EMILIN1: variants seen among roughly 807,000 people sequenced by gnomAD.
EMILIN1 encodes the protein EMILIN-1.
Under a neutral mutation model 82.4 loss-of-function variants are expected in EMILIN1, and 49 were observed. That is an observed-to-expected ratio of 0.59 (90% CI 0.47 to 0.75). The LOEUF (loss-of-function observed/expected upper bound fraction) is 0.75. Ranked by LOEUF, EMILIN1 falls within the 30% of genes least tolerant of loss-of-function variation. EMILIN1 has a pLI of 0.00. For synonymous variants in EMILIN1, 604 were observed against 602.2 expected (o/e 1.00, Z -0.04); for missense variants, 1,313 against 1,366.4 (o/e 0.96, Z 0.62).
At chr2:27,079,971 C>T (rs953841037) in intron 1 of EMILIN1, among the ~76,000 whole-genome samples, 180 bp from the exon 2 acceptor site, 6 of 152,254 alleles carry the variant, frequency 3.9e-5, no homozygotes, top group African/African-American at 1.4e-4. Flanking sequence ...TCTTTATCTG[C>T]TCCTGCTACA....
Position 27,085,544 on chromosome 2 carries a change from A to G in EMILIN1, c.2714-134A>G, listed in dbSNP as rs1669596913. 4.3e-5 allele frequency: 42 copies of G among 969,724 alleles called. 1 individual carries two copies. The South Asian group carries it at 6.8e-4, about 16-fold the overall frequency. 60.1% of individuals were successfully genotyped at this position (969,724 alleles called of 1,614,324 possible). ...TTTTAAGTGCTGGGAATGCATAGTG[A>G]ACAAAGCCCCCAGTTCCCTGCCGCT... is the stretch of plus-strand genomic sequence containing the variant. On this transcript the variant is annotated intron_variant, in intron 7 of 7. Coordinates refer to ENST00000380320, the MANE Select transcript of EMILIN1 (RefSeq NM_007046.4).
In EMILIN1 at chr2:27,083,610, C is replaced by T. The variant is rs1572847243; in HGVS notation, c.2039C>T (p.Ala680Val). ...GGCGCTGATCTGGCTGACCTGGGGG[C>T]AACCAAGGACCGTATCATTTCTGAG... ...GQGADLADLGATKDRIISEIN... is the reference protein window; with the variant it reads ...GQGADLADLGVTKDRIISEIN... The change falls in exon 4 of 8, where the codon GCA (alanine) becomes GTA (valine). Residue 680 changes from alanine to valine, a missense_variant. Coordinates refer to ENST00000380320, the MANE Select transcript of EMILIN1 (RefSeq NM_007046.4). 5 of 1,612,822 alleles carry T rather than the reference C, an allele frequency of 3.1e-6. No individual in the cohort carries two copies. Among genetic ancestry groups the T allele is most frequent in the Non-Finnish European group, 4.2e-6 (5 of 1,179,026 alleles).
At chr2:27,080,491 T>TTGAA (rs1669454637) in intron 2 of EMILIN1, among the ~76,000 whole-genome samples, 1 of 152,068 alleles carries the variant, frequency 6.6e-6, no homozygotes, top group Non-Finnish European at 1.5e-5. Flanking sequence ...CTGGGATGGC[T>TTGAA]CAGGCTCAAG....
rs151036045 is a variant in EMILIN1 at position 27,080,844 on chromosome 2, C to T, written c.403C>T (p.Pro135Ser). 1.7e-5 allele frequency: 27 copies of T among 1,612,522 alleles called. No individual in the cohort carries two copies. The highest frequency in any genetic ancestry group is 2.2e-5 in the Non-Finnish European group (26 of 1,179,564). Residue 135 changes from proline (P) to serine (S), a missense_variant, in exon 3 of 8, where the codon CCA (proline) becomes TCA (serine). Pro to Ser is a moderately conservative substitution (Grantham distance 74). Transcript: ENST00000380320. ...GGDDCAESPA[P>S]ALGPASSTPR... is the part of the protein sequence containing the mutation. ...CGATGACTGTGCTGAGAGTCCCGCT[C>T]CAGCGCTGGGGCCTGCGTCTTCCAC... is the stretch of plus-strand genomic sequence containing the variant.
rs778099136 is a variant in EMILIN1 at position 27,082,394 on chromosome 2, A to T, written c.823A>T (p.Arg275Trp). The T allele has an allele frequency of 5.0e-6, 8 of 1,609,038 alleles. No individual in the cohort carries two copies. The highest frequency in any genetic ancestry group is 5.1e-6 in the Non-Finnish European group (6 of 1,178,978). ...HGGSSSSGGS[R>W]APAPASAPPG... ...CGGCAGCAGCAGCAGTGGGGGCAGC[A>T]GGGCCCCAGCCCCAGCCTCAGCCCC... The change falls in exon 4 of 8, where the codon AGG (arginine) becomes TGG (tryptophan). Residue 275 changes from arginine to tryptophan, a missense_variant. Transcript: ENST00000380320.
chr2:27,084,434 G>GCCCCCAGGGCCTCCTGGGCTGCAGGGA lies in EMILIN1; in HGVS notation c.2469_2495dup (p.Pro825_Pro833dup). The GCCCCCAGGGCCTCCTGGGCTGCAGGGA allele has an allele frequency of 1.2e-6, 2 of 1,609,242 alleles. No homozygotes were observed. The highest frequency in any genetic ancestry group is 1.7e-6 in the Non-Finnish European group (2 of 1,177,294). On this transcript the variant is annotated inframe_insertion, in exon 5 of 8. Coordinates refer to ENST00000380320, the MANE Select transcript of EMILIN1 (RefSeq NM_007046.4). Reference sequence around the variant, plus strand: ...CTGTAGGGCCTGCAGGAGAGGCTGGGCCCCCAGGGCCTCCTGGGCTGCAGG... The same window carrying GCCCCCAGGGCCTCCTGGGCTGCAGGGA: ...CTGTAGGGCCTGCAGGAGAGGCTGGGCCCCCAGGGCCTCCTGGGCTGCAGGGACCCCCAGGGCCTCCTGGGCTGCAGG...
rs774795351 is a variant in EMILIN1, at chr2:27,079,191, G to A, written c.126G>A (p.Gly42=). ...YTGSSGALSP[G]GPQAQIAPRP... ...GTTCCAGTGGGGCCCTCAGCCCCGG[G>A]GGGCCCCAGGCCCAGATTGCCCCCC... The change falls in exon 1 of 8, where the codon GGG becomes GGA. Residue 42 remains glycine (G), a synonymous_variant. Coordinates refer to ENST00000380320, the MANE Select transcript of EMILIN1 (RefSeq NM_007046.4). 1 of 1,582,154 alleles carries A rather than the reference G, an allele frequency of 6.3e-7. No homozygotes were observed. The highest frequency in any genetic ancestry group is 1.1e-5 in the South Asian group (1 of 88,178).
chr2:27,085,195 G>A lies in EMILIN1; in HGVS notation c.2611G>A (p.Val871Met), dbSNP rs764566998. The change falls in exon 7 of 8, where the codon GTG becomes ATG. Residue 871 changes from valine (V) to methionine (M), a missense_variant. Val to Met is a conservative substitution (Grantham distance 21). Transcript: ENST00000380320. ...GGCACCAGCAGCCCCTGTGCCCCAAGTGGCATTTTCAGCTGCTCTGAGTTT... is the reference window on the plus strand; with the variant it reads ...GGCACCAGCAGCCCCTGTGCCCCAAATGGCATTTTCAGCTGCTCTGAGTTT... ...EGAPAAPVPQ[V>M]AFSAALSLPR... 2 of 1,614,186 alleles carry A rather than the reference G, an allele frequency of 1.2e-6. No individual in the cohort carries two copies. The highest frequency in any genetic ancestry group is 1.7e-6 in the Non-Finnish European group (2 of 1,180,038).
In EMILIN1 at chr2:27,085,723, T is replaced by A; in HGVS notation, c.2759T>A (p.Val920Glu). The A allele has an allele frequency of 6.2e-7, 1 of 1,608,518 alleles. No homozygotes were observed. Among genetic ancestry groups the A allele is most frequent in the Non-Finnish European group, 8.5e-7 (1 of 1,176,318 alleles). Residue 920 changes from valine to glutamate, a missense_variant, in exon 8 of 8, where the codon GTG becomes GAG. Val to Glu is a moderately radical substitution (Grantham distance 121, BLOSUM62 -2). Coordinates refer to ENST00000380320, the MANE Select transcript of EMILIN1 (RefSeq NM_007046.4). ...GCTGGACGCTACTTGCTGAGCGCGG[T>A]GCTGACTGGGCACCGGCACGAGAAA... ...PLAGRYLLSAVLTGHRHEKVE... is the reference protein window; with the variant it reads ...PLAGRYLLSAELTGHRHEKVE...
At position 27,079,004 on chromosome 2, in the gene EMILIN1, C is replaced by G; in HGVS notation, c.-62C>G. 1 of 1,329,444 alleles carries G rather than the reference C, an allele frequency of 7.5e-7. No homozygotes were observed. The highest frequency in any genetic ancestry group is 1.0e-6 in the Non-Finnish European group (1 of 995,904). The allele number at this position is 1,329,444 out of a possible 1,614,324, so 82.4% of individuals were successfully genotyped here. A position where few individuals can be genotyped will look rare whatever the true frequency, so the allele number is the denominator to read the frequency against. ...TGTGGAGCAGCAGCATCCCCGGGGC[C>G]GGCAGAGGCGCCAGTGGCTGGGCGG... On this transcript the variant is annotated 5_prime_UTR_variant, in exon 1 of 8. Coordinates refer to ENST00000380320, the MANE Select transcript of EMILIN1 (RefSeq NM_007046.4).
rs1484285884 is a variant in EMILIN1, at chr2:27,085,822, T to C, written c.2858T>C (p.Leu953Pro). 1.2e-6 allele frequency: 2 copies of C among 1,611,740 alleles called. No individual in the cohort carries two copies. The highest frequency in any genetic ancestry group is 1.3e-5 in the African/African-American group (1 of 74,816). Reference sequence around the variant, plus strand: ...TCCGGTGGCTACGAGCCTGAGGGCCTGGAGAATAAGCCGGTGGCCGAGAGC... The same window carrying C: ...TCCGGTGGCTACGAGCCTGAGGGCCCGGAGAATAAGCCGGTGGCCGAGAGC... Reference protein sequence around the residue: ...VDSGGYEPEGLENKPVAESQP... With the variant: ...VDSGGYEPEGPENKPVAESQP... The change falls in exon 8 of 8, where the codon CTG becomes CCG. Residue 953 changes from leucine (L) to proline (P), a missense_variant. Transcript: ENST00000380320.
chr2:27,081,454 C>A (rs568559485), intron 3 of EMILIN1, among the ~76,000 whole-genome samples: 1 of 152,044 alleles, frequency 6.6e-6, no homozygotes, highest in Non-Finnish European at 1.5e-5. Context: ...TGCTGCACAC[C>A]GGATGTGCTG....
chr2:27,084,464 C>A lies in EMILIN1; in HGVS notation c.2490C>A (p.Pro830=), dbSNP rs1669554027. The part of the protein sequence containing the change: ...GPPGPPGLQG[P]PGPAGPPGSP... The stretch of plus-strand genomic sequence containing the variant: ...CAGGGCCTCCTGGGCTGCAGGGACC[C>A]CCAGGCCCTGCTGGACCTCCAGGAT... The change falls in exon 5 of 8, where the codon CCC becomes CCA. Residue 830 remains proline, a synonymous_variant. Transcript: ENST00000380320. The A allele has an allele frequency of 6.2e-7, 1 of 1,612,890 alleles. No individual in the cohort carries two copies. The highest frequency in any genetic ancestry group is 8.5e-7 in the Non-Finnish European group (1 of 1,179,822).
chr2:27,078,945 A>C lies in EMILIN1; in HGVS notation c.-121A>C, dbSNP rs973186377. The C allele has an allele frequency of 1.4e-6, 1 of 734,016 alleles. No homozygotes were observed. Among genetic ancestry groups the C allele is most frequent in the Admixed American group, 3.8e-5 (1 of 26,172 alleles). 45.5% of individuals were successfully genotyped at this position (734,016 alleles called of 1,614,324 possible). A position where few individuals can be genotyped will look rare whatever the true frequency, so the allele number is the denominator to read the frequency against. The stretch of plus-strand genomic sequence containing the variant: ...CGTGTGGCCGGGGGCTATCAGAAGG[A>C]AACTGGGACGGACGGGCCGGGCTCG... On this transcript the variant is annotated 5_prime_UTR_variant, in exon 1 of 8. Transcript: ENST00000380320.
In EMILIN1 at chr2:27,082,845, A is replaced by G. The variant is rs1189089764; in HGVS notation, c.1274A>G (p.Glu425Gly). ...ACCCTGGGCCCTTCGGAGGAGCAGG[A>G]GGAGAGCTGGCCTGGGGCTCCTGGG... ...NSTLGPSEEQEESWPGAPGGL... is the reference protein window; with the variant it reads ...NSTLGPSEEQGESWPGAPGGL... Residue 425 changes from glutamate to glycine, a missense_variant, in exon 4 of 8, where the codon GAG (glutamate) becomes GGG (glycine). Transcript: ENST00000380320. The G allele has an allele frequency of 1.3e-6, 2 of 1,579,136 alleles. No homozygotes were observed. The highest frequency in any genetic ancestry group is 1.7e-6 in the Non-Finnish European group (2 of 1,171,002).
intron 2 of EMILIN1, 101 bp downstream of exon 2, chr2:27,080,371 C>A: frequency 6.8e-7 from 1 of 1,481,384 alleles, no homozygotes; most frequent in Non-Finnish European, 9.3e-7. Context: ...GGAGCAAGGG[C>A]AGGACAGGGG....
chr2:27,082,187 C>G lies in EMILIN1; in HGVS notation c.616C>G (p.Leu206Val), dbSNP rs1331384358. 1 of 1,613,592 alleles carries G rather than the reference C, an allele frequency of 6.2e-7. No homozygotes were observed. Among genetic ancestry groups the G allele is most frequent in the African/African-American group, 1.3e-5 (1 of 74,944 alleles). The change falls in exon 4 of 8, where the codon CTG becomes GTG. Residue 206 changes from leucine to valine, a missense_variant. Leu to Val is a conservative substitution (Grantham distance 32). Coordinates refer to ENST00000380320, the MANE Select transcript of EMILIN1 (RefSeq NM_007046.4). ...RGVLQGLSGR[L>V]AEDVQRAVET... Reference sequence around the variant, plus strand: ...CGTCCTGCAAGGACTGAGCGGGCGCCTGGCAGAGGATGTGCAGAGGGCTGT... The same window carrying G: ...CGTCCTGCAAGGACTGAGCGGGCGCGTGGCAGAGGATGTGCAGAGGGCTGT...
Position 27,083,147 on chromosome 2 carries a change from G to C in EMILIN1, c.1576G>C (p.Glu526Gln), listed in dbSNP as rs1470696494. ...CCTGCACACGGTGGAAGCAGCGGGG[G>C]AGGCCCGGCAGGCCACGCTGGAGGG... ...SGLHTVEAAG[E>Q]ARQATLEGLQ... Residue 526 changes from glutamate (E) to glutamine (Q), a missense_variant, in exon 4 of 8, where the codon GAG (glutamate) becomes CAG (glutamine). Glu to Gln is a conservative substitution (Grantham distance 29, BLOSUM62 2). Coordinates refer to ENST00000380320, the MANE Select transcript of EMILIN1 (RefSeq NM_007046.4). The C allele has an allele frequency of 6.3e-7, 1 of 1,597,698 alleles. No homozygotes were observed. Among genetic ancestry groups the C allele is most frequent in the South Asian group, 1.1e-5 (1 of 88,654 alleles).
rs756003839 is a variant in EMILIN1, at chr2:27,082,218, C to A, written c.647C>A (p.Thr216Lys). ...LAEDVQRAVE[T>K]AFNGRQQPAD... is the part of the protein sequence containing the mutation. ...GAGGATGTGCAGAGGGCTGTGGAGA[C>A]GGCCTTCAACGGGAGGCAGCAGCCA... Residue 216 changes from threonine (T) to lysine (K), a missense_variant, in exon 4 of 8, where the codon ACG (threonine) becomes AAG (lysine). Transcript: ENST00000380320. 6.2e-7 allele frequency: 1 copy of A among 1,613,408 alleles called. No individual in the cohort carries two copies. The highest frequency in any genetic ancestry group is 1.3e-5 in the African/African-American group (1 of 74,940).
Sources: gnomAD v4.1 joint callset for allele counts (sites outside exome capture counted in the v4.1 genomes callset) on GRCh38, gnomAD v4.1.1 for gene constraint, MANE v1.5 for transcripts, NCBI Gene and HGNC (gene_info 2026-07-23, HGNC 2026-07-21) for gene names.